EEFSEC: variants seen among roughly 807,000 people sequenced by gnomAD.
The protein encoded by EEFSEC is selenocysteine-specific elongation factor.
EEFSEC carries 43 observed loss-of-function variants against 42.1 expected under a neutral mutation model. The observed-to-expected ratio is 1.02, with a 90% confidence interval of 0.80 to 1.32. The LOEUF is 1.32. Ranked by LOEUF, EEFSEC falls within the 40% of genes most tolerant of loss-of-function variation. The pLI is 0.00. For missense variants in EEFSEC, 745 were observed against 803.6 expected (o/e 0.93, Z 0.88); for synonymous variants, 354 against 339.1 (o/e 1.04, Z -0.48).
intron 4 of EEFSEC, among the ~76,000 whole-genome samples, chr3:128,265,331 T>C (rs1341895344): frequency 6.6e-6 from 1 of 152,216 alleles, no homozygotes; most frequent in Non-Finnish European, 1.5e-5. Context: ...GCATTATTCT[T>C]CTGAAGACCT....
intron 2 of EEFSEC, among the ~76,000 whole-genome samples, chr3:128,248,594 A>G (rs2066151839): frequency 6.6e-6 from 1 of 152,214 alleles, no homozygotes; most frequent in Non-Finnish European, 1.5e-5. Context: ...ATAAAAAATT[A>G]TATCTTCTTT....
In EEFSEC at chr3:128,408,460, G is replaced by A; in HGVS notation, c.*201G>A. ...TGGGGCCAGGAGGGTCTCTCCTCCA[G>A]CCCCTGCACACTCCCACCCAGGACA... On this transcript the variant is annotated 3_prime_UTR_variant, in exon 7 of 7. Coordinates refer to ENST00000254730, the MANE Select transcript of EEFSEC (RefSeq NM_021937.5). 1 of 513,018 alleles carries A rather than the reference G, an allele frequency of 1.9e-6. No homozygotes were observed. Among genetic ancestry groups the A allele is most frequent in the Non-Finnish European group, 3.3e-6 (1 of 301,234 alleles). 31.8% of individuals were successfully genotyped at this position (513,018 alleles called of 1,614,324 possible).
intron 6 of EEFSEC, among the ~76,000 whole-genome samples, chr3:128,368,990 T>G (rs2067622758): frequency 6.6e-6 from 1 of 152,224 alleles, no homozygotes; most frequent in Admixed American, 6.5e-5. Context: ...AATCTTCCCA[T>G]TCTCAGTTGG....
At chr3:128,261,467 C>G (rs72973489) in intron 2 of EEFSEC, among the ~76,000 whole-genome samples, 1 of 151,898 alleles carries the variant, frequency 6.6e-6, no homozygotes, top group Non-Finnish European at 1.5e-5. Flanking sequence ...AAAAAAGAAT[C>G]CCTTGGCAAA....
chr3:128,232,208 TG>T (rs1459893934), intron 1 of EEFSEC, among the ~76,000 whole-genome samples: 2 of 151,566 alleles, frequency 1.3e-5, no homozygotes, highest in Admixed American at 6.6e-5. Flanking sequence ...GGGCAGGGGG[TG>T]GGGGGAAGTT....
intron 1 of EEFSEC, among the ~76,000 whole-genome samples, chr3:128,171,342 T>A (rs1222512477): frequency 2.0e-5 from 3 of 151,210 alleles, no homozygotes; most frequent in Non-Finnish European, 4.4e-5. Flanking sequence ...TTTCAAGGTT[T>A]ATTTTTAATT....
Position 128,255,566 on chromosome 3 carries a change from C to T in EEFSEC, c.525-6562C>T, listed in dbSNP as rs572474935. On this transcript the variant is annotated intron_variant, in intron 2 of 6. Coordinates refer to ENST00000254730, the MANE Select transcript of EEFSEC (RefSeq NM_021937.5). ...GAGCCCTTTGTGTATTCATTGTGCA[C>T]GTTCCGTGGAGACTGGCGCAGAGGA... is the stretch of plus-strand genomic sequence containing the variant. Among the ~76,000 whole-genome samples, 308 of 152,296 alleles carry T rather than the reference C, an allele frequency of 2.0e-3. 4 individuals are homozygous for T. Among genetic ancestry groups the T allele is most frequent in the African/African-American group, 6.8e-3 (284 of 41,552 alleles).
chr3:128,357,996 G>A (rs866949657), intron 5 of EEFSEC, among the ~76,000 whole-genome samples: 11 of 152,140 alleles, frequency 7.2e-5, no homozygotes, highest in African/African-American at 1.9e-4. Context: ...TGAAGGGCCC[G>A]TTGTTATAGT....
chr3:128,274,514 C>A (rs1022661142), intron 4 of EEFSEC, among the ~76,000 whole-genome samples: 1 of 152,140 alleles, frequency 6.6e-6, no homozygotes, highest in African/African-American at 2.4e-5. Flanking sequence ...CTGGACATCC[C>A]CTGTAGAAGC....
intron 4 of EEFSEC, among the ~76,000 whole-genome samples, chr3:128,276,430 C>T (rs1330812306): frequency 3.3e-5 from 5 of 152,180 alleles, no homozygotes; most frequent in Non-Finnish European, 4.4e-5. Flanking sequence ...ACCTGGCTCA[C>T]GTCCTGCCCC....
At chr3:128,377,901 A>G (rs1487170372) in intron 6 of EEFSEC, among the ~76,000 whole-genome samples, 1 of 152,124 alleles carries the variant, frequency 6.6e-6, no homozygotes, top group East Asian at 1.9e-4. Context: ...TATCTTTGCT[A>G]TTTTCCTACA....
intron 4 of EEFSEC, among the ~76,000 whole-genome samples, chr3:128,320,868 C>T (rs1251261564): frequency 6.6e-6 from 1 of 152,252 alleles, no homozygotes; most frequent in African/African-American, 2.4e-5. Context: ...CCCACTCCGT[C>T]ACTGCTGGAC....
intron 6 of EEFSEC, among the ~76,000 whole-genome samples, chr3:128,375,534 G>A (rs763862882): frequency 1.1e-4 from 16 of 152,116 alleles, no homozygotes; most frequent in African/African-American, 2.4e-4. Context: ...CCTCTGGACC[G>A]CAGGCCACCC....
At chr3:128,327,224 C>T (rs1576639931) in intron 4 of EEFSEC, among the ~76,000 whole-genome samples, 2 of 151,954 alleles carry the variant, frequency 1.3e-5, no homozygotes, top group Non-Finnish European at 2.9e-5. Flanking sequence ...ACCTGCACAG[C>T]GCTCTCCTGG....
At chr3:128,398,187 A>C (rs2068004326) in intron 6 of EEFSEC, among the ~76,000 whole-genome samples, 1 of 152,128 alleles carries the variant, frequency 6.6e-6, no homozygotes, top group African/African-American at 2.4e-5. Flanking sequence ...ATCTGTACTC[A>C]GGGCAGAGTG....
chr3:128,325,852 G>A (rs953682112), intron 4 of EEFSEC, among the ~76,000 whole-genome samples: 1 of 152,186 alleles, frequency 6.6e-6, no homozygotes, highest in Non-Finnish European at 1.5e-5. Flanking sequence ...CTTGCCTGCT[G>A]TTTTATTTAG....
intron 4 of EEFSEC, among the ~76,000 whole-genome samples, chr3:128,305,045 A>G (rs1327683321): frequency 2.0e-5 from 3 of 152,198 alleles, no homozygotes; most frequent in Non-Finnish European, 2.9e-5. Flanking sequence ...GTGTTTTATC[A>G]TTAAGTAAGG....
intron 4 of EEFSEC, among the ~76,000 whole-genome samples, chr3:128,278,614 G>C (rs2066492087): frequency 6.6e-6 from 1 of 152,208 alleles, no homozygotes; most frequent in South Asian, 2.1e-4. Context: ...TGGTAGTTGG[G>C]GCCTCTGGCT....
At chr3:128,354,445 G>T (rs1436817279) in intron 5 of EEFSEC, among the ~76,000 whole-genome samples, 1 of 152,170 alleles carries the variant, frequency 6.6e-6, no homozygotes, top group East Asian at 1.9e-4. Flanking sequence ...TGGGAATGTA[G>T]GTCAGTGAAC....
Sources: gnomAD v4.1 joint callset for allele counts (sites outside exome capture counted in the v4.1 genomes callset) on GRCh38, gnomAD v4.1.1 for gene constraint, MANE v1.5 for transcripts, NCBI Gene and HGNC (gene_info 2026-07-23, HGNC 2026-07-21) for gene names.